MYT1L: variants seen among roughly 807,000 people sequenced by gnomAD.
MYT1L encodes the protein myelin transcription factor 1 like.
A neutral mutation model predicts 126.7 loss-of-function variants in MYT1L; 12 were observed. The ratio of observed to expected loss-of-function variants is 0.09; its 90% CI spans 0.06 to 0.15. The LOEUF (loss-of-function observed/expected upper bound fraction) is 0.15. Among genes scored for constraint, MYT1L ranks in the 10% least tolerant of loss-of-function variants. MYT1L has a pLI of 1.00. For missense variants in MYT1L, 979 were observed against 1,585.2 expected, an observed-to-expected ratio of 0.62 and a Z score of 6.49; for synonymous variants, 541 against 604.2, an observed-to-expected ratio of 0.90 and a Z score of 1.53.
intron 2 of MYT1L, among the ~76,000 whole-genome samples, chr2:2,252,316 A>G (rs1182991233): frequency 6.6e-6 from 1 of 152,156 alleles, no homozygotes; most frequent in Non-Finnish European, 1.5e-5. Flanking sequence ...GTTCCAGGCT[A>G]AGATTCAGCC....
intron 8 of MYT1L, among the ~76,000 whole-genome samples, chr2:1,953,433 C>T (rs963017590): frequency 6.6e-6 from 1 of 152,214 alleles, no homozygotes; most frequent in Non-Finnish European, 1.5e-5. Context: ...TTCTCTCCTA[C>T]TGATCCTTTA....
chr2:2,228,540 C>G lies in MYT1L; in HGVS notation c.-420-55552G>C, dbSNP rs1559396417. On this transcript the variant is annotated intron_variant, in intron 2 of 24. Coordinates refer to ENST00000647738, the MANE Select transcript of MYT1L (RefSeq NM_001303052.2). This position sits in a 1 kb window ranked among gnomAD's most constrained non-coding sequence, Gnocchi z 5.9. ...GAAAGTTTAGAATTTTTTTGCCAAT[C>G]TTTTTGATTTTATAGAAAAAGTATT... Among the ~76,000 whole-genome samples the G allele has an allele frequency of 6.6e-6, 1 of 152,010 alleles. No individual in the cohort carries two copies. The highest frequency in any genetic ancestry group is 2.1e-4 in the South Asian group (1 of 4,818).
intron 3 of MYT1L, among the ~76,000 whole-genome samples, chr2:2,161,675 G>C (rs1009150511): frequency 1.3e-5 from 2 of 152,226 alleles, no homozygotes; most frequent in African/African-American, 2.4e-5. Flanking sequence ...AGCTCCCTGG[G>C]TATGCGGCAA....
rs114487860 is a variant in MYT1L, at chr2:1,832,688, G to A, written c.3080+6461C>T. On this transcript the variant is annotated intron_variant, in intron 21 of 24. Transcript: ENST00000647738. ...CACCAAGGTGGTGCATTCAAAGCCC[G>A]GACTCCAAGAGTCACTTAAAGCCCT... Among the ~76,000 whole-genome samples, 262 of 152,188 alleles carry A rather than the reference G, an allele frequency of 1.7e-3. 1 individual carries two copies. Among genetic ancestry groups the A allele is most frequent in the African/African-American group, 5.5e-3 (227 of 41,508 alleles).
At chr2:1,969,166 C>A (rs1483431999) in intron 8 of MYT1L, among the ~76,000 whole-genome samples, 2 of 152,228 alleles carry the variant, frequency 1.3e-5, no homozygotes, top group Non-Finnish European at 2.9e-5. Flanking sequence ...CTTTTTCTCA[C>A]CCTGTGAAGG....
chr2:2,224,642 AC>A lies in MYT1L; in HGVS notation c.-420-51655del, dbSNP rs2093962476. Among the ~76,000 whole-genome samples, 1 of 151,962 alleles carries A rather than the reference AC, an allele frequency of 6.6e-6. No individual in the cohort carries two copies. The highest frequency in any genetic ancestry group is 2.4e-5 in the African/African-American group (1 of 41,370). On this transcript the variant is annotated intron_variant, in intron 2 of 24. Coordinates refer to ENST00000647738, the MANE Select transcript of MYT1L (RefSeq NM_001303052.2). The surrounding 1 kb of genome is among the most constrained non-coding windows in gnomAD (Gnocchi z 4.0). Reference sequence around the variant, plus strand: ...AGACCATCCTGGCTAACAAGGTGAAACCCTTTCTCTACTAAAAATACAAAAA... The same window carrying A: ...AGACCATCCTGGCTAACAAGGTGAAACCTTTCTCTACTAAAAATACAAAAA...
At chr2:2,202,256 A>G (rs1221763000) in intron 2 of MYT1L, among the ~76,000 whole-genome samples, 1 of 152,208 alleles carries the variant, frequency 6.6e-6, no homozygotes, top group African/African-American at 2.4e-5. Flanking sequence ...GCAGAAGGCA[A>G]GAAATAACTA....
intron 18 of MYT1L, among the ~76,000 whole-genome samples, chr2:1,856,472 G>A (rs962876463): frequency 2.6e-5 from 4 of 152,104 alleles, no homozygotes; most frequent in South Asian, 2.1e-4. Context: ...CAGCTGGGAC[G>A]CTCACCAACT....
intron 18 of MYT1L, among the ~76,000 whole-genome samples, chr2:1,872,446 G>C (rs2046389670): frequency 6.6e-6 from 1 of 152,222 alleles, no homozygotes; most frequent in Non-Finnish European, 1.5e-5. Context: ...GTGTGGACTA[G>C]ATCAGCCATG....
Position 1,889,203 on chromosome 2 carries a change from G to T in MYT1L, c.2520+38C>A. Reference sequence around the variant, plus strand: ...CTTTCAGCTGGGGCCCCATTTTTAAGTCTGGCAGTCAACACAGGCTCAATG... The same window carrying T: ...CTTTCAGCTGGGGCCCCATTTTTAATTCTGGCAGTCAACACAGGCTCAATG... On this transcript the variant is annotated intron_variant, in intron 16 of 24. Coordinates refer to ENST00000647738, the MANE Select transcript of MYT1L (RefSeq NM_001303052.2). The surrounding 1 kb of genome is among the most constrained non-coding windows in gnomAD (Gnocchi z 4.1). The T allele has an allele frequency of 6.4e-7, 1 of 1,551,468 alleles. No individual in the cohort carries two copies.
At chr2:1,892,007 A>G (rs1178302105) in intron 15 of MYT1L, 30 bp downstream of exon 15, 3 of 1,482,456 alleles carry the variant, frequency 2.0e-6, no homozygotes, top group South Asian at 1.3e-5. Flanking sequence ...CCCACCCGCC[A>G]GGTGGCTCCA....
Position 2,059,696 on chromosome 2 carries a change from C to G in MYT1L, c.-303-5573G>C, listed in dbSNP as rs1267073323. ...TTATGTCTGCGTCGTAGGCTCTTCA[C>G]CTTTCAGAATCATCGCAGTTAAAAA... On this transcript the variant is annotated intron_variant, in intron 3 of 24. Coordinates refer to ENST00000647738, the MANE Select transcript of MYT1L (RefSeq NM_001303052.2). The surrounding 1 kb of genome is among the most constrained non-coding windows in gnomAD (Gnocchi z 4.7). Among the ~76,000 whole-genome samples, 1 of 152,140 alleles carries G rather than the reference C, an allele frequency of 6.6e-6. No homozygotes were observed. The highest frequency in any genetic ancestry group is 1.5e-5 in the Non-Finnish European group (1 of 68,030).
At chr2:2,218,021 T>C (rs1323475224) in intron 2 of MYT1L, among the ~76,000 whole-genome samples, 4 of 152,146 alleles carry the variant, frequency 2.6e-5, no homozygotes, top group African/African-American at 9.7e-5. Flanking sequence ...CACAACACGA[T>C]GTCCTACTAA....
chr2:2,209,913 C>T (rs183822959), intron 2 of MYT1L, among the ~76,000 whole-genome samples: 12 of 152,274 alleles, frequency 7.9e-5, no homozygotes, highest in Middle Eastern at 3.4e-3. Flanking sequence ...TACACTCCCA[C>T]CAATAGTCTT....
chr2:2,320,173 G>A (rs1384958769), intron 1 of MYT1L, among the ~76,000 whole-genome samples: 3 of 152,082 alleles, frequency 2.0e-5, no homozygotes, highest in Non-Finnish European at 4.4e-5. Flanking sequence ...TCCCACTGGG[G>A]TGCAGACATA....
rs1236266961 is a variant in MYT1L at position 2,275,623 on chromosome 2, C to T, written c.-421+8781G>A. Among the ~76,000 whole-genome samples the T allele has an allele frequency of 1.3e-5, 2 of 152,182 alleles. 1 individual carries two copies. Among genetic ancestry groups the T allele is most frequent in the Non-Finnish European group, 2.9e-5 (2 of 68,036 alleles). On this transcript the variant is annotated intron_variant, in intron 2 of 24. Coordinates refer to ENST00000647738, the MANE Select transcript of MYT1L (RefSeq NM_001303052.2). ...AGTTGCCTCTTTAAAACACCAGCTC[C>T]TGCTCTGAGAGGTCTTCTCTACCTC...
chr2:1,851,579 G>C, intron 19 of MYT1L, 62 bp downstream of exon 19: 1 of 1,503,962 alleles, frequency 6.6e-7, no homozygotes, highest in Non-Finnish European at 9.2e-7. Context: ...TGACGTGAGT[G>C]ATATTCCTGC....
chr2:1,892,326 G>T, intron 14 of MYT1L, 39 bp from the exon 15 acceptor site: 1 of 1,537,060 alleles, frequency 6.5e-7, no homozygotes. Flanking sequence ...GGCCCCGGCC[G>T]CAGGGCACAC....
chr2:2,146,190 A>C (rs564066401), intron 3 of MYT1L, among the ~76,000 whole-genome samples: 56 of 152,376 alleles, frequency 3.7e-4, no homozygotes, highest in South Asian at 2.5e-3. Flanking sequence ...CAAAATATTA[A>C]TATTATGCAA....
Sources: gnomAD v4.1 joint callset for allele counts (sites outside exome capture counted in the v4.1 genomes callset) on GRCh38, gnomAD v4.1.1 for gene constraint, Gnocchi (gnomAD v3.1) non-coding constraint, MANE v1.5 for transcripts, NCBI Gene and HGNC (gene_info 2026-07-23, HGNC 2026-07-21) for gene names.